Variants in CNTNAP2 observed in about 807,000 individuals in gnomAD.
CNTNAP2 encodes the protein contactin associated protein 2.
Under a neutral mutation model 155.2 loss-of-function variants are expected in CNTNAP2, and 98 were observed. That is an observed-to-expected ratio of 0.63 (90% CI 0.54 to 0.75). The LOEUF is 0.75. CNTNAP2 is among the 30% of genes least tolerant of loss of function. The pLI is 0.00. For synonymous variants in CNTNAP2, 651 were observed against 631.2 expected (o/e 1.03, Z -0.47); for missense variants, 1,727 against 1,688.1 (o/e 1.02, Z -0.40).
At chr7:146,138,957 T>A (rs1335841351) in intron 1 of CNTNAP2, among the ~76,000 whole-genome samples, 1 of 152,086 alleles carries the variant, frequency 6.6e-6, no homozygotes, top group Non-Finnish European at 1.5e-5. Flanking sequence ...CACTGTAAGT[T>A]GAAAATATAG....
At chr7:148,044,628 T>C (rs1040704351) in intron 15 of CNTNAP2, 1 of 152,266 alleles carries the variant, frequency 6.6e-6, no homozygotes, top group Non-Finnish European at 1.5e-5. Context: ...GCACCATCTA[T>C]GAAGCAGAGA....
At chr7:147,428,464 A>G (rs1361007822) in intron 10 of CNTNAP2, among the ~76,000 whole-genome samples, 1 of 152,182 alleles carries the variant, frequency 6.6e-6, no homozygotes, top group Non-Finnish European at 1.5e-5. Flanking sequence ...TGGCAATACA[A>G]TTAGCGTTAC....
chr7:147,783,680 T>A (rs1295768192), intron 13 of CNTNAP2, among the ~76,000 whole-genome samples: 1 of 152,188 alleles, frequency 6.6e-6, no homozygotes, highest in Non-Finnish European at 1.5e-5. Context: ...ATTAAGAAGT[T>A]GGGCTTTGGG....
chr7:146,771,677 A>G (rs1035954411), intron 1 of CNTNAP2, among the ~76,000 whole-genome samples: 1 of 152,230 alleles, frequency 6.6e-6, no homozygotes, highest in Admixed American at 6.5e-5. Context: ...TACAAATATT[A>G]TATGAAGACG....
Position 147,977,931 on chromosome 7 carries a change from T to C in CNTNAP2, c.2325T>C (p.Thr775=). 1 of 1,614,156 alleles carries C rather than the reference T, an allele frequency of 6.2e-7. No individual in the cohort carries two copies. The change falls in exon 15 of 24, where the codon ACT becomes ACC. Residue 775 remains threonine, a synonymous_variant. Coordinates refer to ENST00000361727, the MANE Select transcript of CNTNAP2 (RefSeq NM_014141.6). Reference sequence around the variant, plus strand: ...TGAGCCAAGTGGTGGTTGGAGATACTGACCGTCAAGGCTCAGAAGCCAAAT... The same window carrying C: ...TGAGCCAAGTGGTGGTTGGAGATACCGACCGTCAAGGCTCAGAAGCCAAAT... ...LPVSQVVVGD[T]DRQGSEAKLS...
Position 147,021,489 on chromosome 7 carries a change from T to C in CNTNAP2, c.403-22418T>C, listed in dbSNP as rs564950524. On this transcript the variant is annotated intron_variant, in intron 3 of 23. Transcript: ENST00000361727. The stretch of plus-strand genomic sequence containing the variant: ...CCACTATCCTGATCAGTGTAAAAGA[T>C]AAGACTATTATTCCCCTTAGCATGA... Among the ~76,000 whole-genome samples, 42 of 152,326 alleles carry C rather than the reference T, an allele frequency of 2.8e-4. 1 individual carries two copies. The highest frequency in any genetic ancestry group is 5.4e-4 in the Non-Finnish European group (37 of 68,020).
Position 148,375,956 on chromosome 7 carries a change from C to T in CNTNAP2, c.3476-7693C>T, listed in dbSNP as rs1314575309. On this transcript the variant is annotated intron_variant, in intron 21 of 23. Coordinates refer to ENST00000361727, the MANE Select transcript of CNTNAP2 (RefSeq NM_014141.6). The stretch of plus-strand genomic sequence containing the variant: ...TGGAGGTTGCAGTGAGCCGAGATTG[C>T]GCCACTGCACTCCAGCCTGGGTAAC... Among the ~76,000 whole-genome samples the T allele has an allele frequency of 3.4e-5, 2 of 58,886 alleles. 1 individual carries two copies. The highest frequency in any genetic ancestry group is 9.2e-5 in the Non-Finnish European group (2 of 21,662). The allele number at this position is 58,886 out of a possible 152,430, so 38.6% of individuals were successfully genotyped here.
rs567524094 is a variant in CNTNAP2 at position 146,781,582 on chromosome 7, C to T, written c.208+7201C>T. Among the ~76,000 whole-genome samples the T allele has an allele frequency of 2.1e-3, 325 of 152,230 alleles. 2 individuals are homozygous for T. The highest frequency in any genetic ancestry group is 7.5e-3 in the African/African-American group (311 of 41,554). The stretch of plus-strand genomic sequence containing the variant: ...CTAGCTCACACTTACATACACATGT[C>T]CCCCTCCGGAAACGCGCTGGGCTGC... On this transcript the variant is annotated intron_variant, in intron 2 of 23. Transcript: ENST00000361727.
At chr7:148,065,800 A>C (rs576782982) in intron 15 of CNTNAP2, among the ~76,000 whole-genome samples, 2 of 152,312 alleles carry the variant, frequency 1.3e-5, no homozygotes, top group Admixed American at 1.3e-4. Context: ...GTATTGAGAC[A>C]TGAGGTACTC....
chr7:147,223,926 C>G (rs1318950428), intron 8 of CNTNAP2, among the ~76,000 whole-genome samples: 1 of 105,202 alleles, frequency 9.5e-6, no homozygotes, highest in African/African-American at 3.7e-5. Flanking sequence ...GGCAATAGAG[C>G]AAGACTCAAT....
intron 11 of CNTNAP2, among the ~76,000 whole-genome samples, chr7:147,493,909 T>A (rs1168460890): frequency 1.3e-5 from 2 of 152,132 alleles, no homozygotes; most frequent in Non-Finnish European, 2.9e-5. Context: ...GAAATCAGGG[T>A]GAGGTGATGC....
chr7:147,231,545 C>T (rs1021790421), intron 8 of CNTNAP2, among the ~76,000 whole-genome samples: 3 of 152,160 alleles, frequency 2.0e-5, no homozygotes, highest in African/African-American at 7.2e-5. Context: ...ATTTACATTC[C>T]CACTAACAGT....
At chr7:147,441,224 T>A (rs571820412) in intron 10 of CNTNAP2, among the ~76,000 whole-genome samples, 1 of 152,118 alleles carries the variant, frequency 6.6e-6, no homozygotes, top group Admixed American at 6.6e-5. Flanking sequence ...TTCTGCTTGA[T>A]CAATTCAGCT....
intron 1 of CNTNAP2, among the ~76,000 whole-genome samples, chr7:146,567,751 C>T (rs756865877): frequency 8.6e-5 from 13 of 151,982 alleles, no homozygotes; most frequent in Non-Finnish European, 1.8e-4. Flanking sequence ...GACGGAGTCT[C>T]GCTCAGTCTC....
chr7:146,505,412 T>C (rs989561390), intron 1 of CNTNAP2, among the ~76,000 whole-genome samples: 1 of 152,228 alleles, frequency 6.6e-6, no homozygotes, highest in East Asian at 1.9e-4. Flanking sequence ...ACAATGCAAC[T>C]GCAAAGGACT....
rs1190473285 is a variant in CNTNAP2, at chr7:146,721,339, C to CATTCTATATAT, written c.98-52930_98-52920dup. On this transcript the variant is annotated intron_variant, in intron 1 of 23. Coordinates refer to ENST00000361727, the MANE Select transcript of CNTNAP2 (RefSeq NM_014141.6). Reference sequence around the variant, plus strand: ...ATATTCTATATATACATTCTATATACATTCTATATATACATTCTATATACA... The same window carrying CATTCTATATAT: ...ATATTCTATATATACATTCTATATACATTCTATATATATTCTATATATACATTCTATATACA... 2.4e-3 allele frequency among the ~76,000 whole-genome samples: 297 copies of CATTCTATATAT among 124,170 alleles called. 8 individuals are homozygous for CATTCTATATAT. The highest frequency in any genetic ancestry group is 6.6e-3 in the East Asian group (27 of 4,084). The allele number at this position is 124,170 out of a possible 152,430, so 81.5% of individuals were successfully genotyped here.
intron 1 of CNTNAP2, among the ~76,000 whole-genome samples, chr7:146,515,348 G>A (rs1054155816): frequency 6.6e-6 from 1 of 152,052 alleles, no homozygotes; most frequent in Non-Finnish European, 1.5e-5. Context: ...ACACATATGT[G>A]TGAGGGGAAC....
intron 1 of CNTNAP2, among the ~76,000 whole-genome samples, chr7:146,581,828 T>C (rs1047283084): frequency 6.6e-6 from 1 of 152,124 alleles, no homozygotes; most frequent in African/African-American, 2.4e-5. Flanking sequence ...GATTGCCAAA[T>C]AATAGTAGCA....
At chr7:147,391,971 T>A (rs1241675792) in intron 9 of CNTNAP2, among the ~76,000 whole-genome samples, 1 of 152,120 alleles carries the variant, frequency 6.6e-6, no homozygotes, top group Non-Finnish European at 1.5e-5. Context: ...TTCTCTCCCA[T>A]TTTCTTTTTC....
Sources: allele counts gnomAD v4.1 joint callset (sites outside exome capture counted in the v4.1 genomes callset), GRCh38; gene constraint gnomAD v4.1.1; transcripts MANE v1.5; gene names NCBI Gene and HGNC (gene_info 2026-07-23, HGNC 2026-07-21).